STAU2: variants seen among roughly 807,000 people sequenced by gnomAD.
The protein encoded by STAU2 is double-stranded RNA-binding protein Staufen homolog 2.
A neutral mutation model predicts 65.9 loss-of-function variants in STAU2; 20 were observed. That is an observed-to-expected ratio of 0.30 (90% confidence interval 0.21 to 0.44). The LOEUF (loss-of-function observed/expected upper bound fraction) is 0.44, where lower values mean the gene tolerates loss of function less well. STAU2 is among the 20% of genes least tolerant of loss of function. The pLI, the probability that STAU2 is intolerant of heterozygous loss-of-function variation, is 1.00. For synonymous variants in STAU2, 232 were observed against 233.9 expected, an observed-to-expected ratio of 0.99 and a Z score of 0.07; for missense variants, 558 against 683.9, an observed-to-expected ratio of 0.82 and a Z score of 2.05.
chr8:73,583,474 T>C (rs977688603), intron 11 of STAU2, among the ~76,000 whole-genome samples: 4 of 152,052 alleles, frequency 2.6e-5, no homozygotes, highest in Non-Finnish European at 4.4e-5. Flanking sequence ...AAATAGTAAA[T>C]AATAATCATC....
At chr8:73,610,537 T>G (rs550651250) in intron 9 of STAU2, among the ~76,000 whole-genome samples, 484 of 27,958 alleles carry the variant, frequency 0.017, 3 homozygotes, top group African/African-American at 0.044. Flanking sequence ...AGACCCCGTC[T>G]CAAAAAAAAA....
intron 4 of STAU2, among the ~76,000 whole-genome samples, chr8:73,695,757 T>G (rs1819654724): frequency 6.6e-6 from 1 of 152,006 alleles, no homozygotes. Context: ...GTGGTGTTGG[T>G]GGCCACACAA....
chr8:73,646,938 G>GACACACACACACACACACACAC (rs142043134), intron 6 of STAU2, among the ~76,000 whole-genome samples: 1 of 143,966 alleles, frequency 6.9e-6, no homozygotes. Flanking sequence ...CACACAGCCA[G>GACACACACACACACACACACAC]ACACACACAC....
At chr8:73,563,859 G>C (rs1206198834) in intron 12 of STAU2, among the ~76,000 whole-genome samples, 1 of 152,154 alleles carries the variant, frequency 6.6e-6, no homozygotes. Context: ...CAAGATGGTA[G>C]AACAGGAAGT....
chr8:73,459,539 A>C (rs1460554472), intron 13 of STAU2, among the ~76,000 whole-genome samples: 4 of 152,070 alleles, frequency 2.6e-5, no homozygotes, highest in Non-Finnish European at 5.9e-5. Flanking sequence ...TTTACCCTTC[A>C]CCCTGTCAGG....
chr8:73,512,694 C>G (rs559646051), intron 13 of STAU2, among the ~76,000 whole-genome samples: 246 of 151,994 alleles, frequency 1.6e-3, no homozygotes, highest in African/African-American at 5.7e-3. Flanking sequence ...TTTCTACATA[C>G]AGGATCACAT....
intron 4 of STAU2, among the ~76,000 whole-genome samples, chr8:73,693,990 T>A (rs1819532766): frequency 6.6e-6 from 1 of 152,186 alleles, no homozygotes; most frequent in South Asian, 2.1e-4. Context: ...AAAGCACATA[T>A]AGTTTTAAAG....
chr8:73,471,050 C>T (rs990108921), intron 13 of STAU2, among the ~76,000 whole-genome samples: 8 of 152,030 alleles, frequency 5.3e-5, no homozygotes, highest in African/African-American at 1.9e-4. Context: ...TTTTTAGTTC[C>T]TCTAAATCAG....
chr8:73,559,766 T>G (rs1808060058), intron 12 of STAU2, among the ~76,000 whole-genome samples: 1 of 152,154 alleles, frequency 6.6e-6, no homozygotes, highest in Non-Finnish European at 1.5e-5. Flanking sequence ...CAGGTAGTAT[T>G]TGTAAGTGAC....
intron 3 of STAU2, among the ~76,000 whole-genome samples, chr8:73,733,565 G>A (rs560813969): frequency 1.3e-5 from 2 of 152,192 alleles, no homozygotes; most frequent in Admixed American, 1.3e-4. Flanking sequence ...GTTGAATAAT[G>A]ACTGAAAAGT....
rs927230079 is a variant in STAU2, at chr8:73,460,968, G to A, written c.1531-38266C>T. On this transcript the variant is annotated intron_variant, in intron 13 of 14. Transcript: ENST00000524300. ...GAGCTTCTGTTTCTGGGGTGTGCCT[G>A]CTCCTCTCCTCTCTCCACACTATTT... 9.9e-5 allele frequency among the ~76,000 whole-genome samples: 15 copies of A among 152,216 alleles called. No individual in the cohort carries two copies. In the South Asian group the frequency reaches 1.2e-3, roughly 13 times the overall value.
chr8:73,642,083 A>G (rs1387781658), intron 6 of STAU2, among the ~76,000 whole-genome samples: 1 of 152,154 alleles, frequency 6.6e-6, no homozygotes, highest in Non-Finnish European at 1.5e-5. Flanking sequence ...CACTTAGGAG[A>G]ATGCTTGGAT....
At chr8:73,541,202 G>C (rs911840702) in intron 13 of STAU2, among the ~76,000 whole-genome samples, 8 of 152,092 alleles carry the variant, frequency 5.3e-5, no homozygotes, top group African/African-American at 1.9e-4. Flanking sequence ...GTGTGTGGCT[G>C]GCAGATCAGC....
intron 6 of STAU2, among the ~76,000 whole-genome samples, chr8:73,617,806 G>A (rs1219679847): frequency 6.6e-6 from 1 of 152,200 alleles, no homozygotes; most frequent in African/African-American, 2.4e-5. Flanking sequence ...AGGCAAGACT[G>A]TTCAGGCGAC....
At chr8:73,607,516 G>A (rs554915010) in intron 9 of STAU2, among the ~76,000 whole-genome samples, 2 of 151,998 alleles carry the variant, frequency 1.3e-5, no homozygotes, top group Admixed American at 1.3e-4. Flanking sequence ...GATCACCTGA[G>A]GTCGGGAGTT....
At chr8:73,512,819 A>G (rs906129874) in intron 13 of STAU2, among the ~76,000 whole-genome samples, 3 of 152,232 alleles carry the variant, frequency 2.0e-5, no homozygotes, top group Non-Finnish European at 4.4e-5. Context: ...GAGTTACTCA[A>G]GTGAATTTTT....
chr8:73,607,669 G>A (rs1322279245), intron 9 of STAU2, among the ~76,000 whole-genome samples: 1 of 151,390 alleles, frequency 6.6e-6, no homozygotes, highest in Non-Finnish European at 1.5e-5. Context: ...CCTGGGAGGA[G>A]GAGGTTGCGG....
chr8:73,501,979 A>C (rs1330344193), intron 13 of STAU2, among the ~76,000 whole-genome samples: 4 of 151,952 alleles, frequency 2.6e-5, no homozygotes, highest in African/African-American at 7.2e-5. Context: ...GTGTGTGCAG[A>C]ACTAGGACAC....
chr8:73,483,537 C>T (rs576037081), intron 13 of STAU2, among the ~76,000 whole-genome samples: 1 of 152,146 alleles, frequency 6.6e-6, no homozygotes, highest in South Asian at 2.1e-4. Flanking sequence ...AGCAAAGCTG[C>T]ATGATCTAGA....
Sources: gnomAD v4.1 joint callset for allele counts (sites outside exome capture counted in the v4.1 genomes callset) on GRCh38, gnomAD v4.1.1 for gene constraint, MANE v1.5 for transcripts, NCBI Gene and HGNC (gene_info 2026-07-23, HGNC 2026-07-21) for gene names.